ULK4: variants seen among roughly 807,000 people sequenced by gnomAD.
ULK4 encodes inactive serine/threonine-protein kinase ULK4.
ULK4 carries 133 observed loss-of-function variants against 160.6 expected under a neutral mutation model. The observed-to-expected ratio is 0.83, with a 90% CI of 0.72 to 0.96. ULK4 has a LOEUF of 0.96. ULK4 is among the 40% of genes least tolerant of loss of function. The pLI, the probability that ULK4 is intolerant of heterozygous loss-of-function variation, is 0.00. For missense variants in ULK4, 1,580 were observed against 1,499.5 expected (o/e 1.05, Z -0.89); for synonymous variants, 534 against 539.8 (o/e 0.99, Z 0.15).
At chr3:41,907,824 A>G (rs778593790) in intron 12 of ULK4, 21 bp downstream of exon 12, 14 of 1,509,928 alleles carry the variant, frequency 9.3e-6, no homozygotes, top group Non-Finnish European at 1.1e-5. Flanking sequence ...TGTAGGAAGA[A>G]AATTTCCCAA....
intron 25 of ULK4, among the ~76,000 whole-genome samples, chr3:41,711,624 G>A (rs866248928): frequency 2.0e-5 from 3 of 152,282 alleles, no homozygotes; most frequent in Non-Finnish European, 2.9e-5. Flanking sequence ...AGGGCAGGAA[G>A]TATAACCTTT....
At chr3:41,784,216 T>C (rs1299788871) in intron 21 of ULK4, among the ~76,000 whole-genome samples, 2 of 151,824 alleles carry the variant, frequency 1.3e-5, no homozygotes, top group Admixed American at 6.6e-5. Context: ...AGGTAGATCA[T>C]CTGAGGTTGG....
At chr3:41,447,527 C>T (rs1186923458) in intron 34 of ULK4, among the ~76,000 whole-genome samples, 1 of 152,124 alleles carries the variant, frequency 6.6e-6, no homozygotes, top group African/African-American at 2.4e-5. Flanking sequence ...TGGGAGAAAG[C>T]AGATCTGCAG....
chr3:41,861,805 G>C (rs1270946153), intron 17 of ULK4, among the ~76,000 whole-genome samples: 1 of 151,960 alleles, frequency 6.6e-6, no homozygotes, highest in Non-Finnish European at 1.5e-5. Flanking sequence ...TTATTTTCTA[G>C]ATCTTGTAGG....
At chr3:41,497,198 T>G (rs1020123399) in intron 32 of ULK4, among the ~76,000 whole-genome samples, 1 of 152,046 alleles carries the variant, frequency 6.6e-6, no homozygotes, top group Admixed American at 6.6e-5. Flanking sequence ...CAAATGGAAA[T>G]TTTGAAATGA....
chr3:41,309,649 C>G (rs2080011820), intron 35 of ULK4, among the ~76,000 whole-genome samples: 2 of 152,090 alleles, frequency 1.3e-5, no homozygotes, highest in South Asian at 2.1e-4. Flanking sequence ...TATAGGAATT[C>G]TAAATGTTTT....
At chr3:41,914,320 C>A (rs923011670) in intron 8 of ULK4, among the ~76,000 whole-genome samples, 17 of 152,170 alleles carry the variant, frequency 1.1e-4, no homozygotes, top group African/African-American at 3.6e-4. Context: ...TTCCTTTACA[C>A]AAAGGTTCTT....
chr3:41,525,774 A>C (rs1443015404), intron 32 of ULK4, among the ~76,000 whole-genome samples: 52 of 151,942 alleles, frequency 3.4e-4, no homozygotes, highest in Admixed American at 3.4e-3. Flanking sequence ...TCTATTTTTA[A>C]CTCTTTCACC....
intron 8 of ULK4, 47 bp from the exon 9 acceptor site, chr3:41,912,946 A>G: frequency 6.3e-7 from 1 of 1,583,116 alleles, no homozygotes; most frequent in Non-Finnish European, 8.7e-7. Flanking sequence ...ATGATTTACC[A>G]TGAAAAATTC....
intron 2 of ULK4, among the ~76,000 whole-genome samples, chr3:41,950,009 T>C (rs926785471): frequency 1.3e-5 from 2 of 152,074 alleles, no homozygotes; most frequent in African/African-American, 4.8e-5. Flanking sequence ...GTGCTGGGAT[T>C]ATAGGCATGA....
At chr3:41,476,037 A>AGGAGGGAAAAAGGAAGGAAGGGAGGGAG (rs2084132098) in intron 32 of ULK4, among the ~76,000 whole-genome samples, 1 of 107,576 alleles carries the variant, frequency 9.3e-6, no homozygotes, top group Non-Finnish European at 1.8e-5. Context: ...AGGGCAGGAG[A>AGGAGGGAAAAAGGAAGGAAGGGAGGGAG]GGAGGGAAAA....
At chr3:41,700,017 T>C (rs1046183974) in intron 27 of ULK4, among the ~76,000 whole-genome samples, 3 of 152,164 alleles carry the variant, frequency 2.0e-5, no homozygotes, top group African/African-American at 7.2e-5. Flanking sequence ...AATCAACAAG[T>C]AACGACCCAG....
intron 35 of ULK4, among the ~76,000 whole-genome samples, chr3:41,332,537 G>A (rs544736211): frequency 2.0e-5 from 3 of 152,186 alleles, no homozygotes; most frequent in Non-Finnish European, 2.9e-5. Context: ...AGCAGATGGC[G>A]TGGCAGGCAA....
chr3:41,953,306 T>TATGTA (rs1447473585), intron 2 of ULK4, among the ~76,000 whole-genome samples: 1 of 91,834 alleles, frequency 1.1e-5, no homozygotes, highest in Non-Finnish European at 2.1e-5. Context: ...ATATATATAT[T>TATGTA]TTTTTTTTTT....
At chr3:41,522,011 C>A (rs972159130) in intron 32 of ULK4, among the ~76,000 whole-genome samples, 2 of 152,086 alleles carry the variant, frequency 1.3e-5, no homozygotes, top group Non-Finnish European at 2.9e-5. Flanking sequence ...ATGCACAATT[C>A]ATTGTATGCT....
intron 21 of ULK4, among the ~76,000 whole-genome samples, chr3:41,782,429 C>T (rs1429444946): frequency 1.3e-5 from 2 of 151,956 alleles, no homozygotes; most frequent in African/African-American, 2.4e-5. Flanking sequence ...CTTTCAACAA[C>T]CCAAAAATAA....
intron 25 of ULK4, among the ~76,000 whole-genome samples, chr3:41,711,681 CT>C (rs2037100281): frequency 6.6e-6 from 1 of 152,312 alleles, no homozygotes; most frequent in African/African-American, 2.4e-5. Context: ...AGCCATCATA[CT>C]TTCATAAACT....
intron 32 of ULK4, among the ~76,000 whole-genome samples, chr3:41,483,005 G>A (rs2125898737): frequency 6.6e-6 from 1 of 152,198 alleles, no homozygotes; most frequent in East Asian, 1.9e-4. Context: ...TTTATCCTTT[G>A]TGTTACAACT....
At chr3:41,610,419 T>C (rs2125675969) in intron 31 of ULK4, among the ~76,000 whole-genome samples, 1 of 152,362 alleles carries the variant, frequency 6.6e-6, no homozygotes, top group Admixed American at 6.5e-5. Context: ...ATTCTTAAAA[T>C]AAGGAACTTC....
Sources: allele counts gnomAD v4.1 joint callset (sites outside exome capture counted in the v4.1 genomes callset), GRCh38; gene constraint gnomAD v4.1.1; transcripts MANE v1.5; gene names NCBI Gene and HGNC (gene_info 2026-07-23, HGNC 2026-07-21).